GRHL2: variants seen among roughly 807,000 people sequenced by gnomAD.
GRHL2 encodes the protein grainyhead-like protein 2 homolog.
GRHL2 carries 21 observed loss-of-function variants against 83.8 expected under a neutral mutation model. That is an observed-to-expected ratio of 0.25 (90% CI 0.18 to 0.36). The LOEUF is 0.36. GRHL2 is among the 10% of genes least tolerant of loss of function. The pLI, the probability that GRHL2 is intolerant of heterozygous loss-of-function variation, is 1.00. For missense variants in GRHL2, 623 were observed against 781.8 expected (o/e 0.80, Z 2.42); for synonymous variants, 280 against 278.9 (o/e 1.00, Z -0.04).
At chr8:101,678,161 A>G in the GRHL2 span, among the ~76,000 whole-genome samples, 1 of 152,156 alleles carries the variant, frequency 6.6e-6, no homozygotes, top group African/African-American at 2.4e-5. Flanking sequence ...CTGCATTTCC[A>G]TCTGAGGTAC....
intron 8 of GRHL2, among the ~76,000 whole-genome samples, chr8:101,599,560 T>G (rs1278754540): frequency 1.3e-5 from 2 of 152,234 alleles, no homozygotes; most frequent in Non-Finnish European, 2.9e-5. Flanking sequence ...CTTCCAGGCT[T>G]AAGCTGGTTG....
the GRHL2 span, among the ~76,000 whole-genome samples, chr8:101,675,043 T>C: frequency 1.3e-5 from 2 of 152,194 alleles, no homozygotes; most frequent in Non-Finnish European, 2.9e-5. Flanking sequence ...CAATTAGCTA[T>C]TGATGGGACG....
intron 1 of GRHL2, among the ~76,000 whole-genome samples, chr8:101,518,398 T>C (rs1810615038): frequency 6.6e-6 from 1 of 151,972 alleles, no homozygotes; most frequent in Admixed American, 6.6e-5. Flanking sequence ...GGCAGCAGAG[T>C]GAGACCGTGT....
At chr8:101,576,808 G>A (rs1162251860) in intron 6 of GRHL2, among the ~76,000 whole-genome samples, 1 of 152,130 alleles carries the variant, frequency 6.6e-6, no homozygotes, top group South Asian at 2.1e-4. Context: ...TTTTTAAAGT[G>A]CATCCACTTT....
intron 7 of GRHL2, among the ~76,000 whole-genome samples, chr8:101,578,562 A>C (rs758795488): frequency 6.6e-6 from 1 of 152,236 alleles, no homozygotes; most frequent in Non-Finnish European, 1.5e-5. Flanking sequence ...AAAAACAGAC[A>C]GTAATGTATG....
intron 4 of GRHL2, chr8:101,562,136 T>C: frequency 1.5e-6 from 1 of 648,084 alleles, no homozygotes; most frequent in Non-Finnish European, 2.9e-6. Context: ...TGAACTTTTG[T>C]AGCTCTTTAT....
intron 4 of GRHL2, among the ~76,000 whole-genome samples, chr8:101,563,901 G>C (rs565679414): frequency 6.6e-6 from 1 of 152,144 alleles, no homozygotes; most frequent in Admixed American, 6.5e-5. Context: ...TGCCACTGAT[G>C]TATTTTCTCA....
chr8:101,640,155 A>G (rs1006289960), intron 12 of GRHL2, among the ~76,000 whole-genome samples: 2 of 152,224 alleles, frequency 1.3e-5, no homozygotes, highest in African/African-American at 2.4e-5. Flanking sequence ...GTCAGCCACA[A>G]TTTGAATCTG....
intron 5 of GRHL2, among the ~76,000 whole-genome samples, chr8:101,571,891 T>C (rs184790554): frequency 7.0e-4 from 107 of 152,274 alleles, no homozygotes; most frequent in African/African-American, 2.5e-3. Flanking sequence ...CAAAGCACCA[T>C]GTCAGCAGCT....
At chr8:101,671,456 CT>C (rs1318305513), downstream of GRHL2, among the ~76,000 whole-genome samples, 1 of 145,010 alleles carries the variant, frequency 6.9e-6, no homozygotes, top group Non-Finnish European at 1.5e-5. Flanking sequence ...GGCAGCGATG[CT>C]GGGGGAGGGG....
intron 4 of GRHL2, among the ~76,000 whole-genome samples, chr8:101,570,114 T>C (rs574407483): frequency 6.6e-6 from 1 of 152,292 alleles, no homozygotes; most frequent in South Asian, 2.1e-4. Context: ...TGCAGACACG[T>C]GAATAACATA....
At chr8:101,617,815 T>C (rs532752676) in intron 8 of GRHL2, among the ~76,000 whole-genome samples, 5 of 152,292 alleles carry the variant, frequency 3.3e-5, no homozygotes, top group African/African-American at 1.2e-4. Flanking sequence ...GAAAAGCCTT[T>C]AACATGCAGT....
chr8:101,515,176 GCACACACACA>G (rs4002325), intron 1 of GRHL2, among the ~76,000 whole-genome samples: 10 of 144,444 alleles, frequency 6.9e-5, no homozygotes, highest in South Asian at 2.3e-4. Context: ...CTGTCTCTCT[GCACACACACA>G]CACACACACA....
At chr8:101,663,997 A>C (rs1489413299) in intron 14 of GRHL2, among the ~76,000 whole-genome samples, 2 of 151,946 alleles carry the variant, frequency 1.3e-5, no homozygotes. Flanking sequence ...GCTTAGAAAG[A>C]TCTTCCTTAC....
chr8:101,572,441 T>TA lies in GRHL2; in HGVS notation c.735-1221dup, dbSNP rs746643071. ...CTTCAGATTTTCTTATTATAAAAGT[T>TA]AAAAAATAAATAAAACATTACAGGA... is the stretch of plus-strand genomic sequence containing the variant. On this transcript the variant is annotated intron_variant, in intron 5 of 15. Transcript: ENST00000646743. Among the ~76,000 whole-genome samples the TA allele has an allele frequency of 3.9e-5, 6 of 152,176 alleles. No individual in the cohort carries two copies. In the East Asian group the frequency reaches 1.2e-3, roughly 29 times the overall value.
rs1027602352 is a variant in GRHL2, at chr8:101,666,846, G to A, written c.*143G>A. 4.3e-6 allele frequency: 3 copies of A among 703,224 alleles called. No homozygotes were observed. Among genetic ancestry groups the A allele is most frequent in the Non-Finnish European group, 7.8e-6 (3 of 382,394 alleles). The allele number at this position is 703,224 out of a possible 1,614,324, so 43.6% of individuals were successfully genotyped here. A position where few individuals can be genotyped will look rare whatever the true frequency, so the allele number is the denominator to read the frequency against. ...AAGACCGTGCTGGGGAGTGGGGCAAGGGACAGGCCCCACTGTCGGTGTGCT... is the reference window on the plus strand; with the variant it reads ...AAGACCGTGCTGGGGAGTGGGGCAAAGGACAGGCCCCACTGTCGGTGTGCT... On this transcript the variant is annotated 3_prime_UTR_variant, in exon 16 of 16. Transcript: ENST00000646743.
chr8:101,563,089 T>C (rs890671005), intron 4 of GRHL2, among the ~76,000 whole-genome samples: 1 of 152,216 alleles, frequency 6.6e-6, no homozygotes, highest in Non-Finnish European at 1.5e-5. Context: ...AAAAGCCCTA[T>C]GTGGTAGGTA....
Position 101,649,305 on chromosome 8 carries a change from G to A in GRHL2, c.1613-109G>A, listed in dbSNP as rs139177892. On this transcript the variant is annotated intron_variant, in intron 13 of 15. Coordinates refer to ENST00000646743, the MANE Select transcript of GRHL2 (RefSeq NM_024915.4). ...ATCTGGACCAGGGTTCTGAGGCTTC[G>A]CAGGAGGTGCCACTCTCCAACACCT... 6.3e-4 allele frequency: 512 copies of A among 819,070 alleles called. 3 individuals carry two copies. The East Asian group carries it at 0.012, about 19-fold the overall frequency. 50.7% of individuals were successfully genotyped at this position (819,070 alleles called of 1,614,324 possible).
chr8:101,574,650 G>A (rs950543425), intron 6 of GRHL2, among the ~76,000 whole-genome samples: 4 of 152,204 alleles, frequency 2.6e-5, no homozygotes, highest in Admixed American at 1.3e-4. Flanking sequence ...CGGGCATGCC[G>A]CCAGTGCAGG....
Sources: allele counts gnomAD v4.1 joint callset (sites outside exome capture counted in the v4.1 genomes callset), GRCh38; gene constraint gnomAD v4.1.1; transcripts MANE v1.5; gene names NCBI Gene and HGNC (gene_info 2026-07-23, HGNC 2026-07-21).